Variants in ANKRD11 observed in about 807,000 individuals in gnomAD.
ANKRD11 encodes ankyrin repeat domain-containing protein 11.
Under a neutral mutation model 195.7 loss-of-function variants are expected in ANKRD11, and 17 were observed. That is an observed-to-expected ratio of 0.09 (90% CI 0.06 to 0.13). ANKRD11 has a LOEUF of 0.13. Among genes scored for constraint, ANKRD11 ranks in the 10% least tolerant of loss-of-function variants. ANKRD11 has a pLI of 1.00. For synonymous variants in ANKRD11, 1,953 were observed against 1,528.1 expected (o/e 1.28, Z -6.49); for missense variants, 3,735 against 3,566.1 (o/e 1.05, Z -1.21).
chr16:89,355,456 T>A (rs1284220909), intron 2 of ANKRD11, among the ~76,000 whole-genome samples: 1 of 152,136 alleles, frequency 6.6e-6, no homozygotes, highest in African/African-American at 2.4e-5. Flanking sequence ...AAAGACCTAA[T>A]CAAGGCTGAC....
At chr16:89,269,633 T>A (rs562082117) in intron 12 of ANKRD11, among the ~76,000 whole-genome samples, 16 of 152,198 alleles carry the variant, frequency 1.1e-4, no homozygotes, top group African/African-American at 1.7e-4. Context: ...GGTTTTTTTT[T>A]AAATTTTGTC....
chr16:89,279,847 C>G lies in ANKRD11; in HGVS notation c.6695G>C (p.Arg2232Pro), dbSNP rs929429805. Residue 2232 changes from arginine to proline, a missense_variant, in exon 9 of 13, where the codon CGT (arginine) becomes CCT (proline). By Grantham distance (103) the Arg-to-Pro change is moderately radical (BLOSUM62 -2). Coordinates refer to ENST00000301030, the MANE Select transcript of ANKRD11 (RefSeq NM_013275.6). The surrounding 1 kb of genome is among the most constrained non-coding windows in gnomAD (Gnocchi z 5.6). ...CTCCACGCTGGAGTCCGGATCCCCA[C>G]GGGCCCTCTCTTCCGGCACCGTCTC... The part of the protein sequence containing the change: ...EAETVPEERA[R>P]GDPDSSVEPA... 6.4e-7 allele frequency: 1 copy of G among 1,550,652 alleles called. No individual in the cohort carries two copies. The highest frequency in any genetic ancestry group is 8.7e-7 in the Non-Finnish European group (1 of 1,149,446).
chr16:89,395,436 G>A (rs1393187885), intron 2 of ANKRD11, among the ~76,000 whole-genome samples: 2 of 152,240 alleles, frequency 1.3e-5, no homozygotes, highest in African/African-American at 2.4e-5. Context: ...AGGAGACAGC[G>A]CTGGGATGCC....
At chr16:89,456,497 G>A (rs1192239981) in intron 1 of ANKRD11, among the ~76,000 whole-genome samples, 7 of 150,196 alleles carry the variant, frequency 4.7e-5, no homozygotes, top group African/African-American at 9.8e-5. Context: ...GCAGCAAGCC[G>A]AGATCACGCC....
At position 89,290,873 on chromosome 16, in the gene ANKRD11, C is replaced by T. The variant is rs201227430; in HGVS notation, c.398-45G>A. On this transcript the variant is annotated intron_variant, in intron 5 of 12. Transcript: ENST00000301030. ...CAGATGGGCATTACTGTGGGGTGGT[C>T]CTGCTTTGTCCAATCTTCAAGAGCC... is the stretch of plus-strand genomic sequence containing the variant. 7.6e-5 allele frequency: 123 copies of T among 1,611,244 alleles called. 1 individual carries two copies. The East Asian group carries it at 2.6e-3, about 34-fold the overall frequency.
At chr16:89,385,020 G>A (rs1304587209) in intron 2 of ANKRD11, among the ~76,000 whole-genome samples, 8 of 149,238 alleles carry the variant, frequency 5.4e-5, no homozygotes, top group Non-Finnish European at 1.2e-4. Context: ...CAAGTAGCTG[G>A]AACTACAGGC....
intron 1 of ANKRD11, chr16:89,489,177 G>A (rs1267684477): frequency 2.0e-5 from 3 of 152,094 alleles, no homozygotes; most frequent in Non-Finnish European, 4.4e-5. Flanking sequence ...CCCTCTTTGA[G>A]AGGGGACTGA....
intron 1 of ANKRD11, among the ~76,000 whole-genome samples, chr16:89,458,673 T>C (rs2056539328): frequency 6.6e-6 from 1 of 152,252 alleles, no homozygotes; most frequent in Non-Finnish European, 1.5e-5. Flanking sequence ...GGCTGCTTGC[T>C]ACAAAGAAGC....
At chr16:89,330,789 ACG>A (rs2151965009) in intron 2 of ANKRD11, among the ~76,000 whole-genome samples, 1 of 151,744 alleles carries the variant, frequency 6.6e-6, no homozygotes, top group South Asian at 2.1e-4. Flanking sequence ...TCTGCAGAGA[ACG>A]GTGCTCCACT....
At chr16:89,440,549 A>C (rs2152290742) in intron 1 of ANKRD11, among the ~76,000 whole-genome samples, 1 of 152,302 alleles carries the variant, frequency 6.6e-6, no homozygotes, top group South Asian at 2.1e-4. Context: ...CCAGGAGGTC[A>C]ACACTACAGT....
Position 89,390,277 on chromosome 16 carries a change from C to A in ANKRD11, c.-60+28007G>T, listed in dbSNP as rs34455668. On this transcript the variant is annotated intron_variant, in intron 2 of 12. Coordinates refer to ENST00000301030, the MANE Select transcript of ANKRD11 (RefSeq NM_013275.6). Reference sequence around the variant, plus strand: ...GAACACCGAGTGTGGCGGGGAGCACCGAGAGAGAAGATCACTGGGGCGAAC... The same window carrying A: ...GAACACCGAGTGTGGCGGGGAGCACAGAGAGAGAAGATCACTGGGGCGAAC... Among the ~76,000 whole-genome samples, 54 of 113,360 alleles carry A rather than the reference C, an allele frequency of 4.8e-4. 1 individual carries two copies. Among genetic ancestry groups the A allele is most frequent in the Admixed American group, 2.9e-4 (3 of 10,322 alleles). 74.4% of individuals were successfully genotyped at this position (113,360 alleles called of 152,430 possible). A position where few individuals can be genotyped will look rare whatever the true frequency, so the allele number is the denominator to read the frequency against.
intron 2 of ANKRD11, among the ~76,000 whole-genome samples, chr16:89,340,813 A>G (rs1273477811): frequency 6.6e-6 from 1 of 152,238 alleles, no homozygotes; most frequent in Non-Finnish European, 1.5e-5. Flanking sequence ...CACACAGAAA[A>G]TGTACAGGTA....
At chr16:89,457,585 A>AG (rs1444280565) in intron 1 of ANKRD11, among the ~76,000 whole-genome samples, 2 of 113,858 alleles carry the variant, frequency 1.8e-5, no homozygotes, top group African/African-American at 3.0e-5. Flanking sequence ...CTCCGTCTCA[A>AG]GAAAAAAAAA....
intron 1 of ANKRD11, among the ~76,000 whole-genome samples, chr16:89,487,326 T>C (rs2057652091): frequency 6.6e-6 from 1 of 152,260 alleles, no homozygotes; most frequent in Non-Finnish European, 1.5e-5. Flanking sequence ...AACACTTATT[T>C]TGGCAACAAA....
intron 1 of ANKRD11, among the ~76,000 whole-genome samples, chr16:89,430,880 T>C (rs1428974914): frequency 1.3e-5 from 2 of 152,216 alleles, no homozygotes; most frequent in Non-Finnish European, 2.9e-5. Context: ...TCGTCAGCCC[T>C]GCCTGTGCTC....
At chr16:89,356,809 A>G (rs546877515) in intron 2 of ANKRD11, among the ~76,000 whole-genome samples, 152 of 152,040 alleles carry the variant, frequency 1.0e-3, no homozygotes, top group Non-Finnish European at 1.8e-3. Context: ...AAAAGAAAAA[A>G]AAAGAACGTA....
intron 1 of ANKRD11, among the ~76,000 whole-genome samples, chr16:89,433,783 G>C (rs1193755893): frequency 6.6e-6 from 1 of 151,932 alleles, no homozygotes; most frequent in Non-Finnish European, 1.5e-5. Flanking sequence ...GAGAGTAAGA[G>C]AGAAGCAACG....
At chr16:89,475,574 A>C (rs1597526327) in intron 1 of ANKRD11, among the ~76,000 whole-genome samples, 1 of 152,322 alleles carries the variant, frequency 6.6e-6, no homozygotes, top group East Asian at 1.9e-4. Flanking sequence ...CACTACCCAC[A>C]CAAAAGATAA....
At chr16:89,461,085 AGAG>A (rs1250706426) in intron 1 of ANKRD11, among the ~76,000 whole-genome samples, 2 of 147,382 alleles carry the variant, frequency 1.4e-5, no homozygotes, top group Admixed American at 1.4e-4. Context: ...GACATTCATA[AGAG>A]AAGAAAGGAC....
Sources: allele counts gnomAD v4.1 joint callset (sites outside exome capture counted in the v4.1 genomes callset), GRCh38; gene constraint gnomAD v4.1.1; non-coding constraint Gnocchi (gnomAD v3.1); transcripts MANE v1.5; gene names NCBI Gene and HGNC (gene_info 2026-07-23, HGNC 2026-07-21).